PITPNM2: variants seen among roughly 807,000 people sequenced by gnomAD.
The protein encoded by PITPNM2 is phosphatidylinositol transfer protein membrane associated 2.
Under a neutral mutation model 132.2 loss-of-function variants are expected in PITPNM2, and 35 were observed. The ratio of observed to expected loss-of-function variants is 0.26; its 90% CI spans 0.20 to 0.35. PITPNM2 has a LOEUF of 0.35. Ranked by LOEUF, PITPNM2 falls within the 10% of genes least tolerant of loss-of-function variation. The pLI is 1.00. For synonymous variants in PITPNM2, 738 were observed against 799.2 expected (o/e 0.92, Z 1.29); for missense variants, 1,332 against 1,912.0 (o/e 0.70, Z 5.66).
At chr12:123,059,592 G>C (rs913545720) in intron 2 of PITPNM2, among the ~76,000 whole-genome samples, 1 of 152,232 alleles carries the variant, frequency 6.6e-6, no homozygotes, top group African/African-American at 2.4e-5. Context: ...TTCTCTCTTG[G>C]ACAGTGGGAA....
intron 16 of PITPNM2, among the ~76,000 whole-genome samples, chr12:122,991,279 A>G (rs2038173890): frequency 6.6e-6 from 1 of 152,214 alleles, no homozygotes; most frequent in Non-Finnish European, 1.5e-5. Context: ...CGCAGGCTGA[A>G]GACAGGACAG....
At chr12:123,057,380 C>CAA (rs61274833) in intron 2 of PITPNM2, among the ~76,000 whole-genome samples, 18 of 92,248 alleles carry the variant, frequency 2.0e-4, no homozygotes, top group East Asian at 3.4e-4. Flanking sequence ...AACTCTATCT[C>CAA]AAAAAAAAAA....
chr12:123,080,464 T>G (rs2041924657), intron 2 of PITPNM2, among the ~76,000 whole-genome samples: 1 of 152,226 alleles, frequency 6.6e-6, no homozygotes, highest in Non-Finnish European at 1.5e-5. Context: ...GTTCCCAAAG[T>G]TGCAGGCCCA....
chr12:123,089,706 A>T (rs1050532409), intron 2 of PITPNM2: 1 of 152,234 alleles, frequency 6.6e-6, no homozygotes, highest in Non-Finnish European at 1.5e-5. Flanking sequence ...CTACTGCTCT[A>T]AGAACTGACT....
intron 3 of PITPNM2, chr12:123,021,733 T>C: frequency 1.0e-6 from 1 of 983,138 alleles, no homozygotes; most frequent in Non-Finnish European, 1.2e-6. Context: ...TGGCAGAACA[T>C]GCGGGCTTAG....
chr12:122,988,420 G>A, intron 19 of PITPNM2, 70 bp from the exon 20 acceptor site: 1 of 1,331,960 alleles, frequency 7.5e-7, no homozygotes, highest in East Asian at 2.3e-5. Context: ...GGGAGGAGGA[G>A]GCCCAGTACC....
At chr12:123,025,208 G>GT (rs1368538354) in intron 3 of PITPNM2, among the ~76,000 whole-genome samples, 1 of 152,222 alleles carries the variant, frequency 6.6e-6, no homozygotes, top group Admixed American at 6.5e-5. Flanking sequence ...AACAGCAGGT[G>GT]TGTATGTGTG....
intron 2 of PITPNM2, among the ~76,000 whole-genome samples, chr12:123,057,786 G>A (rs554122568): frequency 6.6e-6 from 1 of 152,318 alleles, no homozygotes; most frequent in East Asian, 1.9e-4. Flanking sequence ...AGGAGGCTAT[G>A]GGAAAGAAGG....
At position 122,987,305 on chromosome 12, in the gene PITPNM2, C is replaced by T. The variant is rs765043112; in HGVS notation, c.3389G>A (p.Arg1130Gln). 19 of 1,611,736 alleles carry T rather than the reference C, an allele frequency of 1.2e-5. No individual in the cohort carries two copies. Among genetic ancestry groups the T allele is most frequent in the Admixed American group, 1.7e-5 (1 of 60,002 alleles). ...CCGCACCACGTCCACGGCCCCGGCC[C>T]GCACCTTGGGGTCGCTGCCCATGAT... ...VSIMGSDPKVRAGAVDVVRHW... is the reference protein window; with the variant it reads ...VSIMGSDPKVQAGAVDVVRHW... The change falls in exon 23 of 26, where the codon CGG becomes CAG. Residue 1130 changes from arginine (R) to glutamine (Q), a missense_variant. This residue lies in a region of PITPNM2 where 251 missense variants were observed against 472.0 expected (regional missense o/e 0.53). Transcript: ENST00000320201.
Position 123,000,624 on chromosome 12 carries a change from G to C in PITPNM2, c.1224+154C>G. The C allele has an allele frequency of 1.2e-6, 1 of 835,180 alleles. No individual in the cohort carries two copies. Among genetic ancestry groups the C allele is most frequent in the Non-Finnish European group, 1.9e-6 (1 of 532,252 alleles). The allele number at this position is 835,180 out of a possible 1,614,324, so 51.7% of individuals were successfully genotyped here. A position where few individuals can be genotyped will look rare whatever the true frequency, so the allele number is the denominator to read the frequency against. ...TTCCTAGCAGGGCAGCAAAAAAGGA[G>C]GCCCAGGCCTCTCCCCAGACAGTAC... On this transcript the variant is annotated intron_variant, in intron 10 of 25. Transcript: ENST00000320201. This position sits in a 1 kb window ranked among gnomAD's most constrained non-coding sequence, Gnocchi z 5.4.
At chr12:123,133,664 ACCT>A (rs1484825805) in intron 1 of PITPNM2, among the ~76,000 whole-genome samples, 1 of 152,120 alleles carries the variant, frequency 6.6e-6, no homozygotes, top group African/African-American at 2.4e-5. Flanking sequence ...TTTCCCTTCA[ACCT>A]CCTCCTCTTT....
chr12:123,042,575 C>T (rs966987444), intron 2 of PITPNM2, among the ~76,000 whole-genome samples: 6 of 152,258 alleles, frequency 3.9e-5, no homozygotes, highest in South Asian at 4.2e-4. Context: ...GCGGGAGCCC[C>T]GGTTTTTGCA....
intron 2 of PITPNM2, among the ~76,000 whole-genome samples, chr12:123,045,936 C>A (rs538968377): frequency 1.3e-5 from 2 of 152,050 alleles, no homozygotes; most frequent in African/African-American, 4.8e-5. Flanking sequence ...GGGGTACAGA[C>A]CCAGCCGTCC....
intron 17 of PITPNM2, 24 bp downstream of exon 17, chr12:122,990,521 G>T (rs756174125): frequency 8.1e-6 from 13 of 1,611,182 alleles, no homozygotes; most frequent in Non-Finnish European, 1.0e-5. Flanking sequence ...TGAGTGAGGA[G>T]GGTGAGGGGC....
intron 14 of PITPNM2, 65 bp from the exon 15 acceptor site, chr12:122,995,044 C>T: frequency 1.4e-6 from 2 of 1,461,686 alleles, no homozygotes; most frequent in Non-Finnish European, 1.8e-6. Flanking sequence ...CACGACACTG[C>T]TGGTGGCAGC....
chr12:123,046,462 G>T (rs536437856), intron 2 of PITPNM2, among the ~76,000 whole-genome samples: 7 of 152,292 alleles, frequency 4.6e-5, no homozygotes, highest in Non-Finnish European at 1.0e-4. Context: ...TAACTCACAT[G>T]CCATGTAATT....
chr12:123,058,443 C>G lies in PITPNM2; in HGVS notation c.-95-23758G>C, dbSNP rs1486632454. On this transcript the variant is annotated intron_variant, in intron 2 of 25. Transcript: ENST00000320201. The surrounding 1 kb of genome is among the most constrained non-coding windows in gnomAD (Gnocchi z 4.0). ...CCTCTGAAATCCTCCTTCTAGAAAC[C>G]ATTAGAGGACATCTTCCCAATGCAG... Among the ~76,000 whole-genome samples, 2 of 152,170 alleles carry G rather than the reference C, an allele frequency of 1.3e-5. No homozygotes were observed. The highest frequency in any genetic ancestry group is 4.8e-5 in the African/African-American group (2 of 41,426).
intron 3 of PITPNM2, among the ~76,000 whole-genome samples, chr12:123,026,805 G>A (rs1387261009): frequency 6.6e-6 from 1 of 152,232 alleles, no homozygotes; most frequent in Non-Finnish European, 1.5e-5. Flanking sequence ...GGCTCCCAGT[G>A]CTCCTTGGCC....
At chr12:123,053,796 G>C (rs1330997324) in intron 2 of PITPNM2, among the ~76,000 whole-genome samples, 1 of 152,118 alleles carries the variant, frequency 6.6e-6, no homozygotes, top group East Asian at 1.9e-4. Flanking sequence ...TCGAGCTCCT[G>C]ACCTCAGGTG....
Sources: allele counts gnomAD v4.1 joint callset (sites outside exome capture counted in the v4.1 genomes callset), GRCh38; gene constraint gnomAD v4.1.1; regional missense constraint gnomAD v4.1.1; non-coding constraint Gnocchi (gnomAD v3.1); transcripts MANE v1.5; gene names NCBI Gene and HGNC (gene_info 2026-07-23, HGNC 2026-07-21).